Variants in PRKN observed in about 807,000 individuals in gnomAD.
PRKN encodes E3 ubiquitin-protein ligase parkin.
In PRKN, 56 loss-of-function variants were observed where a neutral mutation model predicts 59.5. The observed-to-expected ratio is 0.94, with a 90% CI of 0.76 to 1.18. The LOEUF is 1.18. Among genes scored for constraint, PRKN ranks in the 50% most tolerant of loss-of-function variants. PRKN has a pLI of 0.00. For missense variants in PRKN, 657 were observed against 596.4 expected (o/e 1.10, Z -1.06); for synonymous variants, 250 against 222.1 (o/e 1.13, Z -1.12).
chr6:162,268,137 T>A (rs1333270165), intron 2 of PRKN, among the ~76,000 whole-genome samples: 2 of 152,170 alleles, frequency 1.3e-5, no homozygotes, highest in Admixed American at 1.3e-4. Flanking sequence ...TGAGACATAA[T>A]AAATTATTTA....
intron 5 of PRKN, among the ~76,000 whole-genome samples, chr6:162,010,357 T>A (rs1219159934): frequency 4.2e-5 from 5 of 118,552 alleles, no homozygotes; most frequent in Non-Finnish European, 8.1e-5. Flanking sequence ...ATACATTTAT[T>A]ATATGTAATA....
chr6:161,491,881 C>G (rs571512035), intron 9 of PRKN, among the ~76,000 whole-genome samples: 28 of 152,306 alleles, frequency 1.8e-4, no homozygotes, highest in African/African-American at 6.0e-4. Flanking sequence ...ATCCACCCAT[C>G]TCGGCCTCCC....
intron 7 of PRKN, among the ~76,000 whole-genome samples, chr6:161,636,134 C>T (rs1783508013): frequency 6.6e-6 from 1 of 152,250 alleles, no homozygotes; most frequent in Non-Finnish European, 1.5e-5. Flanking sequence ...AGAGACAAGG[C>T]CACCCTGACA....
chr6:162,231,998 T>C (rs1583235356), intron 3 of PRKN, among the ~76,000 whole-genome samples: 1 of 152,278 alleles, frequency 6.6e-6, no homozygotes, highest in Non-Finnish European at 1.5e-5. Context: ...GATGGGGGTC[T>C]GTCACTGTGA....
At chr6:162,101,467 G>T (rs906328319) in intron 4 of PRKN, among the ~76,000 whole-genome samples, 1 of 151,664 alleles carries the variant, frequency 6.6e-6, no homozygotes, top group Non-Finnish European at 1.5e-5. Flanking sequence ...AGGAGATCGA[G>T]ACCATCCTGG....
intron 10 of PRKN, among the ~76,000 whole-genome samples, chr6:161,370,574 A>G (rs369916870): frequency 2.3e-4 from 31 of 132,676 alleles, no homozygotes; most frequent in African/African-American, 9.5e-4. Context: ...CCTGGGCGAC[A>G]GAGCAAGACT....
At chr6:161,659,045 C>G (rs1005717544) in intron 7 of PRKN, among the ~76,000 whole-genome samples, 4 of 152,222 alleles carry the variant, frequency 2.6e-5, no homozygotes, top group African/African-American at 9.6e-5. Flanking sequence ...ACATGTTTAA[C>G]TGCCCCATAA....
intron 6 of PRKN, among the ~76,000 whole-genome samples, chr6:161,796,880 T>C (rs1790872679): frequency 6.6e-6 from 1 of 152,240 alleles, no homozygotes; most frequent in Non-Finnish European, 1.5e-5. Flanking sequence ...TCTTTGTTTT[T>C]GCCTCTGTGC....
At position 161,379,876 on chromosome 6, in the gene PRKN, A is replaced by G. The variant is rs1280956281; in HGVS notation, c.1167+6918T>C. Among the ~76,000 whole-genome samples, 3 of 152,180 alleles carry G rather than the reference A, an allele frequency of 2.0e-5. No individual in the cohort carries two copies. The highest frequency in any genetic ancestry group is 4.4e-5 in the Non-Finnish European group (3 of 68,024). ...CAGCTCAGGGTTTTCTTCCTGGAAAACATGTACTATTACAATTCCCTACTA... is the reference window on the plus strand; with the variant it reads ...CAGCTCAGGGTTTTCTTCCTGGAAAGCATGTACTATTACAATTCCCTACTA... On this transcript the variant is annotated intron_variant, in intron 10 of 11. Transcript: ENST00000366898. This position sits in a 1 kb window ranked among gnomAD's most constrained non-coding sequence, Gnocchi z 4.9.
chr6:162,224,966 T>G (rs973470929), intron 3 of PRKN, among the ~76,000 whole-genome samples: 1 of 152,186 alleles, frequency 6.6e-6, no homozygotes, highest in Non-Finnish European at 1.5e-5. Context: ...GAGACAGGCC[T>G]GTTGTCTTGG....
chr6:162,320,951 A>G (rs1782995841), intron 2 of PRKN, among the ~76,000 whole-genome samples: 1 of 151,904 alleles, frequency 6.6e-6, no homozygotes, highest in Non-Finnish European at 1.5e-5. Flanking sequence ...TTGTCTTCAC[A>G]TTCCACCTTC....
chr6:162,154,135 G>A (rs114163141), intron 4 of PRKN, among the ~76,000 whole-genome samples: 2,261 of 152,090 alleles, frequency 0.015, 52 homozygotes, highest in African/African-American at 0.05. Flanking sequence ...AGGGCAGGTC[G>A]AGGAACTAGC....
chr6:162,054,779 A>G (rs1374608958), intron 4 of PRKN, among the ~76,000 whole-genome samples: 1 of 152,260 alleles, frequency 6.6e-6, no homozygotes. Context: ...AAAATGAAAT[A>G]TCAGTGTCAA....
chr6:162,222,380 G>C (rs1374120985), intron 3 of PRKN, among the ~76,000 whole-genome samples: 1 of 152,160 alleles, frequency 6.6e-6, no homozygotes, highest in Non-Finnish European at 1.5e-5. Context: ...TCCAGATCTT[G>C]TGGAAACGAA....
intron 1 of PRKN, among the ~76,000 whole-genome samples, chr6:162,689,856 T>A (rs957371955): frequency 6.6e-6 from 1 of 152,168 alleles, no homozygotes; most frequent in African/African-American, 2.4e-5. Flanking sequence ...CTGCATGCCC[T>A]GCTTAAAGAA....
intron 9 of PRKN, among the ~76,000 whole-genome samples, chr6:161,435,835 C>T (rs1268714614): frequency 7.4e-6 from 1 of 134,282 alleles, no homozygotes; most frequent in Non-Finnish European, 1.6e-5. Context: ...ATTTCCTTTC[C>T]TCATGAAGTG....
intron 7 of PRKN, among the ~76,000 whole-genome samples, chr6:161,645,279 A>G (rs971452422): frequency 6.6e-6 from 1 of 152,082 alleles, no homozygotes; most frequent in African/African-American, 2.4e-5. Context: ...AAACATACTA[A>G]CCGATATTTG....
intron 4 of PRKN, among the ~76,000 whole-genome samples, chr6:162,153,883 G>T (rs1042867749): frequency 6.0e-5 from 9 of 151,256 alleles, no homozygotes; most frequent in Non-Finnish European, 8.9e-5. Flanking sequence ...GGATGGGGGT[G>T]AGGCGAGCCA....
At chr6:162,267,560 T>C (rs1261520542) in intron 2 of PRKN, among the ~76,000 whole-genome samples, 1 of 152,178 alleles carries the variant, frequency 6.6e-6, no homozygotes, top group Non-Finnish European at 1.5e-5. Flanking sequence ...AAATATTACC[T>C]GTCAAAGAGA....
Sources: allele counts gnomAD v4.1 joint callset (sites outside exome capture counted in the v4.1 genomes callset), GRCh38; gene constraint gnomAD v4.1.1; non-coding constraint Gnocchi (gnomAD v3.1); transcripts MANE v1.5; gene names NCBI Gene and HGNC (gene_info 2026-07-23, HGNC 2026-07-21).